The following NKAIN2 variants were observed in gnomAD, a reference collection of about 807,000 sequenced individuals.
NKAIN2 encodes the protein sodium/potassium transporting ATPase interacting 2, also known as sodium/potassium-transporting ATPase subunit beta-1-interacting protein 2.
NKAIN2 carries 14 observed loss-of-function variants against 32.6 expected under a neutral mutation model. The ratio of observed to expected loss-of-function variants is 0.43; its 90% CI spans 0.28 to 0.67. The LOEUF (loss-of-function observed/expected upper bound fraction) is 0.67. Among genes scored for constraint, NKAIN2 ranks in the 30% least tolerant of loss-of-function variants. The probability of loss-of-function intolerance (pLI) is 0.17; values close to 1 mark genes in which losing one functional copy is unlikely to be tolerated. For synonymous variants in NKAIN2, 80 were observed against 87.2 expected, an observed-to-expected ratio of 0.92 and a Z score of 0.46; for missense variants, 198 against 258.3, an observed-to-expected ratio of 0.77 and a Z score of 1.60.
chr6:124,821,708 T>G (rs2114885613), intron 6 of NKAIN2, among the ~76,000 whole-genome samples: 1 of 152,342 alleles, frequency 6.6e-6, no homozygotes, highest in South Asian at 2.1e-4. Context: ...TCACTGGTCA[T>G]GAAATAAGTA....
In NKAIN2 at chr6:124,023,080, A is replaced by G. The variant is rs182092479; in HGVS notation, c.54+218826A>G. ...TATGTATGTATAAGTATATATATAT[A>G]TGTGTGTGTATGTATATAAAAAGTA... On this transcript the variant is annotated intron_variant, in intron 1 of 6. Transcript: ENST00000368417. Among the ~76,000 whole-genome samples, 289 of 150,920 alleles carry G rather than the reference A, an allele frequency of 1.9e-3. 3 individuals are homozygous for G. Among genetic ancestry groups the G allele is most frequent in the Admixed American group, 0.015 (226 of 15,100 alleles).
intron 3 of NKAIN2, among the ~76,000 whole-genome samples, chr6:124,538,507 T>A (rs1253050009): frequency 6.6e-6 from 1 of 152,172 alleles, no homozygotes. Context: ...ATTTATTTAA[T>A]CCTAAAAGTC....
rs76162608 is a variant in NKAIN2, at chr6:124,284,718, C to T, written c.192+1576C>T. On this transcript the variant is annotated intron_variant, in intron 2 of 6. Coordinates refer to ENST00000368417, the MANE Select transcript of NKAIN2 (RefSeq NM_001040214.3). ...ATGTTCTATGAAAAGTCCCTAGCACCGTGCTTGATATTTAAAAAGCCCCCA... is the reference window on the plus strand; with the variant it reads ...ATGTTCTATGAAAAGTCCCTAGCACTGTGCTTGATATTTAAAAAGCCCCCA... Among the ~76,000 whole-genome samples the T allele has an allele frequency of 5.7e-4, 87 of 151,690 alleles. 1 individual carries two copies. Among genetic ancestry groups the T allele is most frequent in the Admixed American group, 5.1e-3 (78 of 15,214 alleles).
chr6:124,070,306 C>T (rs1783389378), intron 1 of NKAIN2, among the ~76,000 whole-genome samples: 1 of 152,202 alleles, frequency 6.6e-6, no homozygotes, highest in Non-Finnish European at 1.5e-5. Flanking sequence ...GACCAAGAGG[C>T]ACAGGCTGTG....
intron 1 of NKAIN2, among the ~76,000 whole-genome samples, chr6:124,243,884 T>C (rs1412819646): frequency 6.6e-6 from 1 of 152,126 alleles, no homozygotes; most frequent in Non-Finnish European, 1.5e-5. Context: ...CTCAAATTAT[T>C]ATTAATTTCC....
At chr6:124,402,153 C>G (rs1160045041) in intron 3 of NKAIN2, among the ~76,000 whole-genome samples, 1 of 152,078 alleles carries the variant, frequency 6.6e-6, no homozygotes, top group Non-Finnish European at 1.5e-5. Flanking sequence ...ATGAACAGGA[C>G]AGCCCCCACC....
chr6:124,652,193 C>CTT (rs2114401073), intron 3 of NKAIN2, among the ~76,000 whole-genome samples: 1 of 152,322 alleles, frequency 6.6e-6, no homozygotes, highest in East Asian at 1.9e-4. Context: ...GCAAAGTTCT[C>CTT]TGCCACTTTA....
chr6:124,454,834 C>A (rs1776257283), intron 3 of NKAIN2, among the ~76,000 whole-genome samples: 1 of 152,012 alleles, frequency 6.6e-6, no homozygotes, highest in Non-Finnish European at 1.5e-5. Context: ...CTTAACAGGA[C>A]TGATATCCCT....
At chr6:123,947,087 G>A (rs1054994768) in intron 1 of NKAIN2, among the ~76,000 whole-genome samples, 2 of 152,162 alleles carry the variant, frequency 1.3e-5, no homozygotes, top group Admixed American at 6.5e-5. Context: ...GTACTGTGGC[G>A]GTCACCTTTC....
intron 1 of NKAIN2, among the ~76,000 whole-genome samples, chr6:124,106,922 CA>C (rs1201447660): frequency 1.3e-5 from 2 of 152,090 alleles, no homozygotes; most frequent in African/African-American, 4.8e-5. Context: ...AAAGGACAAA[CA>C]AAACATATAC....
chr6:124,201,524 C>A (rs904349190), intron 1 of NKAIN2, among the ~76,000 whole-genome samples: 5 of 151,858 alleles, frequency 3.3e-5, no homozygotes, highest in Admixed American at 6.6e-5. Context: ...GGATTGTTAG[C>A]AAACATGGAT....
At chr6:124,747,997 A>G (rs553278254) in intron 4 of NKAIN2, among the ~76,000 whole-genome samples, 1 of 152,074 alleles carries the variant, frequency 6.6e-6, no homozygotes, top group Admixed American at 6.6e-5. Flanking sequence ...TGAAAAATAT[A>G]ATAAAAACAA....
chr6:123,914,555 C>T (rs1363528320), intron 1 of NKAIN2, among the ~76,000 whole-genome samples: 1 of 152,084 alleles, frequency 6.6e-6, no homozygotes, highest in Admixed American at 6.6e-5. Flanking sequence ...ACCTTCAGTT[C>T]ATAACACCCT....
At chr6:124,592,301 C>T (rs1781940123) in intron 3 of NKAIN2, among the ~76,000 whole-genome samples, 1 of 152,116 alleles carries the variant, frequency 6.6e-6, no homozygotes, top group African/African-American at 2.4e-5. Context: ...ATCATGTATT[C>T]ATGCACATAA....
intron 1 of NKAIN2, among the ~76,000 whole-genome samples, chr6:124,186,271 G>T (rs1241966338): frequency 6.6e-6 from 1 of 151,914 alleles, no homozygotes; most frequent in East Asian, 1.9e-4. Context: ...GAAAAGAAAA[G>T]GAGAAAGAAA....
chr6:124,575,680 T>C (rs987001279), intron 3 of NKAIN2, among the ~76,000 whole-genome samples: 12 of 152,182 alleles, frequency 7.9e-5, no homozygotes, highest in African/African-American at 2.9e-4. Context: ...CAGTGAAAAC[T>C]GACTTCTAAG....
At chr6:124,270,064 A>C (rs1348138924) in intron 1 of NKAIN2, among the ~76,000 whole-genome samples, 1 of 152,150 alleles carries the variant, frequency 6.6e-6, no homozygotes, top group African/African-American at 2.4e-5. Context: ...GATGGGAGGG[A>C]AGGGAGACAG....
intron 1 of NKAIN2, among the ~76,000 whole-genome samples, chr6:123,828,584 A>G (rs751875500): frequency 3.3e-5 from 5 of 152,144 alleles, no homozygotes; most frequent in Non-Finnish European, 5.9e-5. Context: ...AAAACTAATT[A>G]TGTCTTGTTA....
intron 1 of NKAIN2, among the ~76,000 whole-genome samples, chr6:124,045,875 A>G (rs1782098247): frequency 6.6e-6 from 1 of 152,046 alleles, no homozygotes; most frequent in South Asian, 2.1e-4. Flanking sequence ...CTAGAGGGGC[A>G]TGTTTGAGTT....
Sources: gnomAD v4.1 joint callset for allele counts (sites outside exome capture counted in the v4.1 genomes callset) on GRCh38, gnomAD v4.1.1 for gene constraint, MANE v1.5 for transcripts, NCBI Gene and HGNC (gene_info 2026-07-23, HGNC 2026-07-21) for gene names.